The following MLLT3 variants were observed in gnomAD, a reference collection of about 807,000 sequenced individuals.
The protein encoded by MLLT3 is protein AF-9.
MLLT3 carries 4 observed loss-of-function variants against 53.2 expected under a neutral mutation model. That is an observed-to-expected ratio of 0.08 (90% CI 0.04 to 0.17). The LOEUF is 0.17. MLLT3 is among the 10% of genes least tolerant of loss of function. The probability of loss-of-function intolerance (pLI) is 1.00; values close to 1 mark genes in which losing one functional copy is unlikely to be tolerated. For synonymous variants in MLLT3, 283 were observed against 230.6 expected (o/e 1.23, Z -2.06); for missense variants, 569 against 684.0 (o/e 0.83, Z 1.87).
intron 2 of MLLT3, among the ~76,000 whole-genome samples, chr9:20,476,223 T>C (rs1028005117): frequency 7.9e-5 from 12 of 151,974 alleles, no homozygotes; most frequent in African/African-American, 1.9e-4. Flanking sequence ...GGAGGAGAAA[T>C]AGTACTTGAG....
chr9:20,571,695 A>G (rs1178718856), intron 2 of MLLT3, among the ~76,000 whole-genome samples: 1 of 152,206 alleles, frequency 6.6e-6, no homozygotes. Flanking sequence ...GCAGAAAACA[A>G]CCTGATTTTA....
chr9:20,372,915 C>T (rs1335169788), intron 5 of MLLT3, among the ~76,000 whole-genome samples: 2 of 152,088 alleles, frequency 1.3e-5, no homozygotes, highest in African/African-American at 4.8e-5. Context: ...TACCATATAG[C>T]ATAAATATAA....
intron 3 of MLLT3, 118 bp downstream of exon 3, chr9:20,456,586 T>C: frequency 1.4e-6 from 1 of 721,148 alleles, no homozygotes; most frequent in East Asian, 2.8e-5. Flanking sequence ...AAGACAAATT[T>C]AACTTTTATT....
At chr9:20,416,619 T>C (rs751440801) in intron 4 of MLLT3, among the ~76,000 whole-genome samples, 1 of 152,138 alleles carries the variant, frequency 6.6e-6, no homozygotes. Context: ...TAGAAATATG[T>C]CTTTTTATAA....
chr9:20,557,804 T>G (rs914038804), intron 2 of MLLT3, among the ~76,000 whole-genome samples: 1 of 152,142 alleles, frequency 6.6e-6, no homozygotes, highest in Non-Finnish European at 1.5e-5. Context: ...AAAAATCTAG[T>G]GGCAAAAAGT....
At chr9:20,613,775 G>C (rs1215724670) in intron 2 of MLLT3, among the ~76,000 whole-genome samples, 1 of 152,012 alleles carries the variant, frequency 6.6e-6, no homozygotes. Context: ...TTAATTTCCA[G>C]TTTATATGCC....
intron 2 of MLLT3, among the ~76,000 whole-genome samples, chr9:20,485,662 C>A: frequency 6.6e-6 from 1 of 152,056 alleles, no homozygotes; most frequent in Admixed American, 6.5e-5. Flanking sequence ...AATACATTGG[C>A]AAGTTTTTTT....
At chr9:20,577,387 G>C (rs532688776) in intron 2 of MLLT3, among the ~76,000 whole-genome samples, 1 of 152,094 alleles carries the variant, frequency 6.6e-6, no homozygotes. Flanking sequence ...ATAACCATTT[G>C]TTTTTATCTT....
Position 20,620,477 on chromosome 9 carries a change from G to A in MLLT3, c.193+177C>T, listed in dbSNP as rs1233076009. Among the ~76,000 whole-genome samples the A allele has an allele frequency of 1.3e-5, 2 of 150,708 alleles. No homozygotes were observed. The highest frequency in any genetic ancestry group is 2.1e-4 in the South Asian group (1 of 4,798). ...GTGACTTTCACCAAGCCGAAGTGGC[G>A]CGCGCGCGGGCAGGCGGGAGCCGGG... On this transcript the variant is annotated intron_variant, in intron 2 of 10. Transcript: ENST00000380338. The surrounding 1 kb of genome is among the most constrained non-coding windows in gnomAD (Gnocchi z 6.1).
At chr9:20,451,552 A>G (rs1417578417) in intron 3 of MLLT3, among the ~76,000 whole-genome samples, 1 of 152,206 alleles carries the variant, frequency 6.6e-6, no homozygotes, top group East Asian at 1.9e-4. Flanking sequence ...GTAAGAAAAA[A>G]GTACTCATCA....
At chr9:20,484,242 G>A (rs959948485) in intron 2 of MLLT3, among the ~76,000 whole-genome samples, 1 of 152,082 alleles carries the variant, frequency 6.6e-6, no homozygotes, top group Non-Finnish European at 1.5e-5. Context: ...TTTCCTACTA[G>A]TATCACTATA....
intron 8 of MLLT3, among the ~76,000 whole-genome samples, chr9:20,357,981 GCACACACACACACACACA>G (rs3222132): frequency 7.2e-6 from 1 of 139,454 alleles, no homozygotes; most frequent in South Asian, 2.4e-4. Context: ...TCCCTCCTGC[GCACACACACACACACACA>G]CACACACACA....
chr9:20,381,804 C>T (rs113787452), intron 5 of MLLT3, among the ~76,000 whole-genome samples: 32 of 151,618 alleles, frequency 2.1e-4, no homozygotes, highest in Admixed American at 8.6e-4. Flanking sequence ...TTTGGATGAA[C>T]GACTTTCAAT....
At chr9:20,613,389 C>A (rs919929796) in intron 2 of MLLT3, among the ~76,000 whole-genome samples, 1 of 151,960 alleles carries the variant, frequency 6.6e-6, no homozygotes, top group African/African-American at 2.4e-5. Context: ...CATATATGTG[C>A]AAAATAAATA....
chr9:20,388,363 C>T (rs983924719), intron 5 of MLLT3, among the ~76,000 whole-genome samples: 2 of 151,914 alleles, frequency 1.3e-5, no homozygotes, highest in African/African-American at 2.4e-5. Flanking sequence ...CTGAGGCGTG[C>T]AGATCACGAG....
chr9:20,610,360 T>C (rs1303643522), intron 2 of MLLT3, among the ~76,000 whole-genome samples: 1 of 152,166 alleles, frequency 6.6e-6, no homozygotes, highest in Non-Finnish European at 1.5e-5. Context: ...GAAAAATTCA[T>C]TTTTGCCTAT....
chr9:20,456,557 T>G (rs1823975309), intron 3 of MLLT3, 147 bp downstream of exon 3: 1 of 619,352 alleles, frequency 1.6e-6, no homozygotes, highest in South Asian at 2.0e-5. Flanking sequence ...TTAAGGGTAA[T>G]GATAGCCAAA....
At chr9:20,482,641 A>G (rs1443788026) in intron 2 of MLLT3, among the ~76,000 whole-genome samples, 1 of 152,224 alleles carries the variant, frequency 6.6e-6, no homozygotes, top group East Asian at 1.9e-4. Flanking sequence ...AGGAGGTTTA[A>G]TAATAGATTA....
intron 5 of MLLT3, among the ~76,000 whole-genome samples, chr9:20,396,212 T>C (rs895620095): frequency 5.3e-5 from 8 of 152,072 alleles, no homozygotes; most frequent in Non-Finnish European, 1.0e-4. Context: ...AGTAGCACTT[T>C]AAACTTTGGG....
Sources: allele counts gnomAD v4.1 joint callset (sites outside exome capture counted in the v4.1 genomes callset), GRCh38; gene constraint gnomAD v4.1.1; non-coding constraint Gnocchi (gnomAD v3.1); transcripts MANE v1.5; gene names NCBI Gene and HGNC (gene_info 2026-07-23, HGNC 2026-07-21).